Variants in AGAP1 observed in about 807,000 individuals in gnomAD.
AGAP1 encodes arf-GAP with GTPase, ANK repeat and PH domain-containing protein 1.
Under a neutral mutation model 105.3 loss-of-function variants are expected in AGAP1, and 29 were observed. That is an observed-to-expected ratio of 0.28 (90% CI 0.21 to 0.38). AGAP1 has a LOEUF of 0.38. AGAP1 is among the 10% of genes least tolerant of loss of function. The pLI, the probability that AGAP1 is intolerant of heterozygous loss-of-function variation, is 1.00. For missense variants in AGAP1, 998 were observed against 1,165.1 expected (o/e 0.86, Z 2.09); for synonymous variants, 509 against 485.9 (o/e 1.05, Z -0.63).
intron 17 of AGAP1, among the ~76,000 whole-genome samples, chr2:236,122,097 A>G (rs1458003640): frequency 8.4e-6 from 1 of 118,508 alleles, no homozygotes; most frequent in Non-Finnish European, 1.8e-5. Context: ...GACCACAGGC[A>G]TGCCACCCCC....
chr2:235,673,547 C>T (rs1304179894), intron 1 of AGAP1, among the ~76,000 whole-genome samples: 1 of 152,190 alleles, frequency 6.6e-6, no homozygotes. Flanking sequence ...AATATCCATA[C>T]TCAGTGAAAT....
intron 16 of AGAP1, among the ~76,000 whole-genome samples, chr2:236,107,751 G>A (rs950693329): frequency 4.6e-5 from 7 of 152,236 alleles, no homozygotes; most frequent in African/African-American, 1.7e-4. Context: ...TGGGGCCAGA[G>A]TACCCGGGCA....
rs992903063 is a variant in AGAP1 at position 236,035,132 on chromosome 2, G to C, written c.1646-1429G>C. On this transcript the variant is annotated intron_variant, in intron 13 of 17. Coordinates refer to ENST00000304032, the MANE Select transcript of AGAP1 (RefSeq NM_001037131.3). This position sits in a 1 kb window ranked among gnomAD's most constrained non-coding sequence, Gnocchi z 4.2. ...CTGGGCTAGAGGGACCAAGAGTCTG[G>C]AAGATCAGAGGTCCGTGCAGTAGAC... 6.6e-6 allele frequency among the ~76,000 whole-genome samples: 1 copy of C among 152,182 alleles called. No homozygotes were observed. Among genetic ancestry groups the C allele is most frequent in the Admixed American group, 6.5e-5 (1 of 15,274 alleles).
chr2:235,911,713 C>T (rs1357332632), intron 11 of AGAP1, among the ~76,000 whole-genome samples: 1 of 152,186 alleles, frequency 6.6e-6, no homozygotes, highest in African/African-American at 2.4e-5. Flanking sequence ...CAGTTTCATT[C>T]TCTTTAAGAG....
chr2:236,041,965 T>C (rs1370869077), intron 15 of AGAP1, among the ~76,000 whole-genome samples: 1 of 152,138 alleles, frequency 6.6e-6, no homozygotes, highest in Non-Finnish European at 1.5e-5. Flanking sequence ...GAGGAGAGCT[T>C]CTCTGGGTGG....
intron 2 of AGAP1, among the ~76,000 whole-genome samples, chr2:235,715,055 C>G (rs1404422422): frequency 1.1e-4 from 17 of 152,202 alleles, no homozygotes; most frequent in Admixed American, 6.5e-5. Flanking sequence ...CTTCGGCCCC[C>G]CAAAGTGCCG....
intron 1 of AGAP1, among the ~76,000 whole-genome samples, chr2:235,590,888 T>G (rs1237542600): frequency 6.6e-6 from 1 of 150,546 alleles, no homozygotes; most frequent in South Asian, 2.1e-4. Flanking sequence ...GCCCGGCTAA[T>G]TTTTTTGTAT....
chr2:235,798,658 G>T (rs754159900), intron 7 of AGAP1, among the ~76,000 whole-genome samples: 1 of 152,008 alleles, frequency 6.6e-6, no homozygotes, highest in East Asian at 1.9e-4. Context: ...CAGGTGGATC[G>T]CTTGAGCTCA....
At chr2:235,545,141 G>A (rs1943582199) in intron 1 of AGAP1, among the ~76,000 whole-genome samples, 1 of 152,116 alleles carries the variant, frequency 6.6e-6, no homozygotes, top group Non-Finnish European at 1.5e-5. Flanking sequence ...TCCATGATAT[G>A]GGCACCTTAC....
rs780237507 is a variant in AGAP1 at position 235,611,200 on chromosome 2, C to T, written c.164-97979C>T. Among the ~76,000 whole-genome samples, 6 of 152,022 alleles carry T rather than the reference C, an allele frequency of 3.9e-5. No individual in the cohort carries two copies. Among genetic ancestry groups the T allele is most frequent in the Non-Finnish European group, 7.4e-5 (5 of 67,990 alleles). On this transcript the variant is annotated intron_variant, in intron 1 of 17. Coordinates refer to ENST00000304032, the MANE Select transcript of AGAP1 (RefSeq NM_001037131.3). This position sits in a 1 kb window ranked among gnomAD's most constrained non-coding sequence, Gnocchi z 5.0. ...CTGCCTAGTGTAGGGACTGCCACTT[C>T]ATGCTGTCTTGCCAGAGCACCTTCC... is the stretch of plus-strand genomic sequence containing the variant.
chr2:236,100,944 T>C (rs187168387), intron 16 of AGAP1, among the ~76,000 whole-genome samples: 15 of 152,302 alleles, frequency 9.8e-5, no homozygotes, highest in Admixed American at 9.8e-4. Flanking sequence ...GTCATTACCC[T>C]GGATGGAATT....
rs887629922 is a variant in AGAP1, at chr2:236,063,961, A to C, written c.2114+14680A>C. Among the ~76,000 whole-genome samples the C allele has an allele frequency of 2.6e-5, 4 of 152,194 alleles. 1 individual carries two copies. Among genetic ancestry groups the C allele is most frequent in the African/African-American group, 9.7e-5 (4 of 41,446 alleles). The stretch of plus-strand genomic sequence containing the variant: ...TCTCTGATGTACGTGATCTAATACA[A>C]ATGACCCTGGAGGATACATACATAA... On this transcript the variant is annotated intron_variant, in intron 16 of 17. Transcript: ENST00000304032.
chr2:235,499,682 G>A (rs775063753), intron 1 of AGAP1, among the ~76,000 whole-genome samples: 16 of 152,192 alleles, frequency 1.1e-4, no homozygotes, highest in Non-Finnish European at 1.8e-4. Flanking sequence ...CTCACCCTGC[G>A]AGGCTCGGTC....
At chr2:235,711,334 G>A (rs1473752569) in intron 2 of AGAP1, among the ~76,000 whole-genome samples, 1 of 152,212 alleles carries the variant, frequency 6.6e-6, no homozygotes, top group East Asian at 1.9e-4. Flanking sequence ...GGCAGTTCAA[G>A]GTGTTACAGG....
chr2:235,813,779 T>G (rs1224676081), intron 9 of AGAP1, among the ~76,000 whole-genome samples: 1 of 152,258 alleles, frequency 6.6e-6, no homozygotes, highest in Non-Finnish European at 1.5e-5. Context: ...CCCAGGGTTC[T>G]TGCCTTAGTG....
In AGAP1 at chr2:235,551,930, C is replaced by CT. The variant is rs1463653078; in HGVS notation, c.163+57084dup. ...TGAGGAGCCAGGAGGGCGATCCCAGCTTTCTCCTGGTTAATTTTACCGTCT... is the reference window on the plus strand; with the variant it reads ...TGAGGAGCCAGGAGGGCGATCCCAGCTTTTCTCCTGGTTAATTTTACCGTCT... On this transcript the variant is annotated intron_variant, in intron 1 of 17. Coordinates refer to ENST00000304032, the MANE Select transcript of AGAP1 (RefSeq NM_001037131.3). This position sits in a 1 kb window ranked among gnomAD's most constrained non-coding sequence, Gnocchi z 4.8. Among the ~76,000 whole-genome samples, 1 of 152,226 alleles carries CT rather than the reference C, an allele frequency of 6.6e-6. No individual in the cohort carries two copies. The highest frequency in any genetic ancestry group is 2.4e-5 in the African/African-American group (1 of 41,462).
Position 235,973,685 on chromosome 2 carries a change from G to A in AGAP1, c.1645+5062G>A, listed in dbSNP as rs1388852776. On this transcript the variant is annotated intron_variant, in intron 13 of 17. Coordinates refer to ENST00000304032, the MANE Select transcript of AGAP1 (RefSeq NM_001037131.3). This position sits in a 1 kb window ranked among gnomAD's most constrained non-coding sequence, Gnocchi z 4.7. ...CAGGTGGTAACCATGGGACCTGATGGGTGGAAGCCTCAAGGAGGTGGATTT... is the reference window on the plus strand; with the variant it reads ...CAGGTGGTAACCATGGGACCTGATGAGTGGAAGCCTCAAGGAGGTGGATTT... 6.6e-6 allele frequency among the ~76,000 whole-genome samples: 1 copy of A among 152,190 alleles called. No homozygotes were observed.
Position 235,664,209 on chromosome 2 carries a change from G to GT in AGAP1, c.164-44963dup, listed in dbSNP as rs1325503957. 1.3e-5 allele frequency among the ~76,000 whole-genome samples: 2 copies of GT among 151,562 alleles called. No homozygotes were observed. The highest frequency in any genetic ancestry group is 2.1e-4 in the South Asian group (1 of 4,782). ...TAGATTGGATTTTAATATATAGTTT[G>GT]TTTTTTTGTTTTTTTTTTCGAGACG... On this transcript the variant is annotated intron_variant, in intron 1 of 17. Transcript: ENST00000304032. The surrounding 1 kb of genome is among the most constrained non-coding windows in gnomAD (Gnocchi z 5.7).
chr2:235,523,816 G>A (rs1942719795), intron 1 of AGAP1, among the ~76,000 whole-genome samples: 1 of 151,920 alleles, frequency 6.6e-6, no homozygotes, highest in Non-Finnish European at 1.5e-5. Flanking sequence ...TCCAGTGGGA[G>A]TGACCCTGCT....
Sources: gnomAD v4.1 joint callset for allele counts (sites outside exome capture counted in the v4.1 genomes callset) on GRCh38, gnomAD v4.1.1 for gene constraint, Gnocchi (gnomAD v3.1) non-coding constraint, MANE v1.5 for transcripts, NCBI Gene and HGNC (gene_info 2026-07-23, HGNC 2026-07-21) for gene names.